IRAG2: variants seen among roughly 807,000 people sequenced by gnomAD.
IRAG2 encodes the protein lymphoid restricted membrane protein.
A neutral mutation model predicts 69.9 loss-of-function variants in IRAG2; 45 were observed. The observed-to-expected ratio is 0.64, with a 90% CI of 0.51 to 0.83. The LOEUF is 0.83. Ranked by LOEUF, IRAG2 falls within the 40% of genes least tolerant of loss-of-function variation. The pLI is 0.00. For missense variants in IRAG2, 520 were observed against 587.0 expected, an observed-to-expected ratio of 0.89 and a Z score of 1.18; for synonymous variants, 193 against 202.4, an observed-to-expected ratio of 0.95 and a Z score of 0.40.
At chr12:25,030,306 T>C in exon 10 of IRAG2, 1 of 1,231,724 alleles carries the variant, frequency 8.1e-7, no homozygotes, top group Non-Finnish European at 1.0e-6. Context: ...GAGAACACTT[T>C]GCTTAATAAA....
At chr12:25,001,770 GT>G (rs71063385), upstream of IRAG2, among the ~76,000 whole-genome samples, 252 of 135,948 alleles carry the variant, frequency 1.9e-3, 1 homozygote, top group African/African-American at 4.4e-3. Context: ...TACTCTTTTG[GT>G]TTTTTTTTTT....
chr12:25,018,435 G>A (rs1944550505), intron 6 of IRAG2, among the ~76,000 whole-genome samples: 1 of 151,918 alleles, frequency 6.6e-6, no homozygotes, highest in Admixed American at 6.6e-5. Context: ...ACAATGCCTG[G>A]TCTCAAGCAA....
At position 25,008,184 on chromosome 12, in the gene IRAG2, C is replaced by A. The variant is rs542306265; in HGVS notation, c.688+2830C>A. Among the ~76,000 whole-genome samples, 8 of 152,258 alleles carry A rather than the reference C, an allele frequency of 5.3e-5. No homozygotes were observed. In the South Asian group the frequency reaches 1.5e-3, roughly 28 times the overall value. On this transcript the variant is annotated intron_variant, in intron 2 of 38. Transcript: ENST00000636465. ...TCTATCATTCCTTCCTAATGTATCA[C>A]CTGAAATACATCTATAATGAGAAAC...
intron 5 of IRAG2, among the ~76,000 whole-genome samples, chr12:25,066,719 G>A (rs1408390763): frequency 6.6e-6 from 1 of 150,588 alleles, no homozygotes; most frequent in Non-Finnish European, 1.5e-5. Flanking sequence ...CTGGAGTGCA[G>A]TGATGTGATC....
chr12:25,038,030 C>T (rs373699675), exon 16 of IRAG2: 51 of 398,810 alleles, frequency 1.3e-4, no homozygotes, highest in African/African-American at 9.4e-4. Flanking sequence ...TGCTGAACAT[C>T]TTGGGAAACC....
intron 16 of IRAG2, among the ~76,000 whole-genome samples, chr12:25,046,353 G>T (rs957902432): frequency 6.6e-6 from 1 of 151,738 alleles, no homozygotes; most frequent in Admixed American, 6.6e-5. Context: ...ACTAGCCAGA[G>T]CATTTAGGCA....
Position 25,018,324 on chromosome 12 carries a change from C to G in IRAG2, c.1214+1032C>G, listed in dbSNP as rs138384096. ...CAAGTGATCTTCTGGCCTCACCCCC[C>G]ACCCCTCAAGTAGCTGGGACTACTG... On this transcript the variant is annotated intron_variant, in intron 6 of 38. Coordinates refer to the IRAG2 transcript ENST00000636465. Among the ~76,000 whole-genome samples, 687 of 151,950 alleles carry G rather than the reference C, an allele frequency of 4.5e-3. 6 individuals carry two copies. The highest frequency in any genetic ancestry group is 0.016 in the African/African-American group (646 of 41,440).
At chr12:25,004,799 G>A (rs1233552197) in exon 1 of IRAG2, 1 of 1,231,952 alleles carries the variant, frequency 8.1e-7, no homozygotes. Context: ...AATAACTATT[G>A]TAGTGAAAAT....
At chr12:25,089,842 C>T (rs10743538) in intron 13 of IRAG2, 52 bp downstream of exon 13, 1,181,930 of 1,572,152 alleles carry the variant, frequency 0.75, 446,827 homozygotes, top group East Asian at 0.9. Context: ...CCAGACTCAC[C>T]TGCTACAGTC....
chr12:25,103,338 C>T (rs1268241452), intron 17 of IRAG2: 1 of 154,244 alleles, frequency 6.5e-6, no homozygotes, highest in East Asian at 1.9e-4. Context: ...GCATATTTAT[C>T]TCCTCCTGAG....
At chr12:25,072,543 G>A (rs1033759336) in intron 6 of IRAG2, among the ~76,000 whole-genome samples, 4 of 152,094 alleles carry the variant, frequency 2.6e-5, no homozygotes, top group Non-Finnish European at 4.4e-5. Flanking sequence ...CTTAGAAAAC[G>A]CTTTTCTAAG....
chr12:25,018,336 A>G (rs538548870), intron 6 of IRAG2, among the ~76,000 whole-genome samples: 3 of 151,386 alleles, frequency 2.0e-5, no homozygotes, highest in African/African-American at 7.3e-5. Context: ...CCCCTCAAGT[A>G]GCTGGGACTA....
chr12:25,036,669 T>C, exon 15 of IRAG2: 1 of 398,826 alleles, frequency 2.5e-6, no homozygotes, highest in Non-Finnish European at 4.4e-6. Flanking sequence ...GAAAGAAAAG[T>C]GGGAGGAGCA....
intron 6 of IRAG2, among the ~76,000 whole-genome samples, chr12:25,071,394 C>T (rs1946328846): frequency 6.6e-6 from 1 of 152,068 alleles, no homozygotes; most frequent in Admixed American, 6.6e-5. Context: ...ATATATCTTG[C>T]TCTTACCTAG....
At chr12:25,072,685 A>G (rs899277413) in intron 6 of IRAG2, among the ~76,000 whole-genome samples, 34 of 152,178 alleles carry the variant, frequency 2.2e-4, no homozygotes, top group Non-Finnish European at 5.9e-5. Flanking sequence ...CCTTGTCTCT[A>G]AATGATGGAT....
At chr12:25,101,798 A>G (rs118182225) in intron 16 of IRAG2, 9,099 of 393,108 alleles carry the variant, frequency 0.023, 136 homozygotes, top group Non-Finnish European at 0.032. Flanking sequence ...GTTTCTATAA[A>G]TCTTACAATA....
chr12:25,060,616 G>C (rs1945558211), intron 1 of IRAG2, among the ~76,000 whole-genome samples: 1 of 151,164 alleles, frequency 6.6e-6, no homozygotes, highest in Non-Finnish European at 1.5e-5. Context: ...ATTGGAGATA[G>C]GATTTCTTTA....
intron 10 of IRAG2, among the ~76,000 whole-genome samples, chr12:25,087,030 A>G (rs571083408): frequency 2.0e-5 from 3 of 151,908 alleles, no homozygotes; most frequent in East Asian, 1.9e-4. Context: ...TGATAGCCCT[A>G]TATCACCCAC....
At chr12:25,073,896 G>C (rs11047812) in intron 6 of IRAG2, among the ~76,000 whole-genome samples, 16,127 of 152,226 alleles carry the variant, frequency 0.11, 1,157 homozygotes, top group Admixed American at 0.17. Context: ...CCATAGGTTG[G>C]TAATTGTTGA....
Sources: gnomAD v4.1 joint callset for allele counts (sites outside exome capture counted in the v4.1 genomes callset) on GRCh38, gnomAD v4.1.1 for gene constraint, MANE v1.5 for transcripts, NCBI Gene and HGNC (gene_info 2026-07-23, HGNC 2026-07-21) for gene names.